LHX4: variants seen among roughly 807,000 people sequenced by gnomAD.
LHX4 encodes LIM/homeobox protein Lhx4.
LHX4 carries 16 observed loss-of-function variants against 39.2 expected under a neutral mutation model. That is an observed-to-expected ratio of 0.41 (90% CI 0.28 to 0.62). The LOEUF (loss-of-function observed/expected upper bound fraction) is 0.62, where lower values mean the gene tolerates loss of function less well. Ranked by LOEUF, LHX4 falls within the 20% of genes least tolerant of loss-of-function variation. The pLI, the probability that LHX4 is intolerant of heterozygous loss-of-function variation, is 0.33. For missense variants in LHX4, 439 were observed against 511.9 expected, an observed-to-expected ratio of 0.86 and a Z score of 1.37; for synonymous variants, 206 against 198.1, an observed-to-expected ratio of 1.04 and a Z score of -0.33.
intron 1 of LHX4, among the ~76,000 whole-genome samples, chr1:180,243,762 C>T (rs1363717096): frequency 1.3e-5 from 2 of 152,132 alleles, no homozygotes; most frequent in Admixed American, 6.5e-5. Context: ...TGTGTCATCT[C>T]AGTTTTTGCC....
chr1:180,270,876 G>GAT, intron 3 of LHX4: 12 of 200,184 alleles, frequency 6.0e-5, no homozygotes, highest in Admixed American at 1.7e-4. Context: ...GGGTGTGCAA[G>GAT]CTCACCCCTG....
upstream of LHX4, among the ~76,000 whole-genome samples, chr1:180,229,965 G>GGGGGGGGCGGGGGGGGC (rs1558204928): frequency 1.6e-4 from 2 of 12,166 alleles, no homozygotes; most frequent in Non-Finnish European, 2.6e-4. Context: ...GAGGCGGGGA[G>GGGGGGGGCGGGGGGGGC]GGGGGGGGGG....
At chr1:180,244,093 T>C (rs988125845) in intron 1 of LHX4, among the ~76,000 whole-genome samples, 7 of 152,176 alleles carry the variant, frequency 4.6e-5, no homozygotes, top group African/African-American at 1.7e-4. Context: ...TCCTTCCTCG[T>C]TGAGAGTGGC....
intron 2 of LHX4, among the ~76,000 whole-genome samples, chr1:180,256,735 C>A (rs560449207): frequency 1.3e-5 from 2 of 152,158 alleles, no homozygotes; most frequent in Admixed American, 1.3e-4. Context: ...GGTGGCTTTT[C>A]TCTCAGTAAG....
At chr1:180,246,481 G>A (rs1647386259) in intron 1 of LHX4, among the ~76,000 whole-genome samples, 1 of 152,232 alleles carries the variant, frequency 6.6e-6, no homozygotes, top group Non-Finnish European at 1.5e-5. Flanking sequence ...GGAGGCCGAG[G>A]CAGGCGGATC....
intron 2 of LHX4, among the ~76,000 whole-genome samples, chr1:180,250,538 C>A (rs138327041): frequency 6.6e-6 from 1 of 152,298 alleles, no homozygotes; most frequent in Non-Finnish European, 1.5e-5. Context: ...TCCGCTTGCC[C>A]GTCTCGGGGC....
chr1:180,248,153 T>G, intron 1 of LHX4, 132 bp from the exon 2 acceptor site: 2 of 812,620 alleles, frequency 2.5e-6, no homozygotes, highest in South Asian at 2.9e-5. Context: ...TACAACTATA[T>G]GCAACAGCTC....
Position 180,274,962 on chromosome 1 carries a change from G to A in LHX4, c.*383G>A, listed in dbSNP as rs557624416. 5.4e-6 allele frequency: 1 copy of A among 184,780 alleles called. No homozygotes were observed. The highest frequency in any genetic ancestry group is 2.3e-5 in the African/African-American group (1 of 42,854). The allele number at this position is 184,780 out of a possible 1,614,324, so 11.4% of individuals were successfully genotyped here. The stretch of plus-strand genomic sequence containing the variant: ...CTCCAACTGGTGTGTCTCACACAAT[G>A]CCTCCCAAAACACTGCTCTCACCAG... On this transcript the variant is annotated 3_prime_UTR_variant, in exon 6 of 6. Transcript: ENST00000263726.
At chr1:180,258,398 A>C (rs972435073) in intron 2 of LHX4, among the ~76,000 whole-genome samples, 1 of 152,182 alleles carries the variant, frequency 6.6e-6, no homozygotes, top group Admixed American at 6.5e-5. Flanking sequence ...GGGATGCCAT[A>C]GTGCCTTGGT....
intron 4 of LHX4, 105 bp downstream of exon 4, chr1:180,271,639 G>T: frequency 6.8e-7 from 1 of 1,469,240 alleles, no homozygotes; most frequent in Non-Finnish European, 9.5e-7. Flanking sequence ...CTCAGGGCTT[G>T]ACCCCAGGGC....
chr1:180,248,320 C>G lies in LHX4; in HGVS notation c.112C>G (p.Leu38Val). 6.2e-7 allele frequency: 1 copy of G among 1,614,212 alleles called. No homozygotes were observed. Among genetic ancestry groups the G allele is most frequent in the Non-Finnish European group, 8.5e-7 (1 of 1,180,044 alleles). ...PQCAGCNQHI[L>V]DKFILKVLDR... ...GTGCGCTGGCTGCAACCAGCACATC[C>G]TGGACAAGTTCATCCTGAAGGTCCT... The change falls in exon 2 of 6, where the codon CTG becomes GTG. Residue 38 changes from leucine (L) to valine (V), a missense_variant. Transcript: ENST00000263726.
chr1:180,240,320 C>T (rs1006235188), intron 1 of LHX4, among the ~76,000 whole-genome samples: 1 of 152,134 alleles, frequency 6.6e-6, no homozygotes, highest in East Asian at 1.9e-4. Flanking sequence ...AGGTGTGAGC[C>T]ACCGTGCCCG....
intron 1 of LHX4, among the ~76,000 whole-genome samples, chr1:180,236,240 AT>A (rs954811621): frequency 6.6e-6 from 1 of 152,084 alleles, no homozygotes; most frequent in Non-Finnish European, 1.5e-5. Flanking sequence ...CAGCAAAGCA[AT>A]TTCTTTCCAT....
chr1:180,269,400 C>T (rs1199068725), intron 3 of LHX4, among the ~76,000 whole-genome samples: 1 of 152,132 alleles, frequency 6.6e-6, no homozygotes, highest in Admixed American at 6.5e-5. Context: ...TTAATGAATA[C>T]TTGGATGACA....
intron 1 of LHX4, among the ~76,000 whole-genome samples, chr1:180,233,635 C>T (rs972100277): frequency 2.6e-5 from 4 of 152,208 alleles, no homozygotes; most frequent in African/African-American, 9.6e-5. Flanking sequence ...GAAGGTGGGG[C>T]GTTTTATCCG....
chr1:180,254,243 G>A (rs1290770382), intron 2 of LHX4, among the ~76,000 whole-genome samples: 3 of 152,194 alleles, frequency 2.0e-5, no homozygotes, highest in African/African-American at 2.4e-5. Flanking sequence ...GGGTCTCCCT[G>A]CCCCTGAGGC....
intron 1 of LHX4, among the ~76,000 whole-genome samples, chr1:180,231,956 C>T (rs1374346349): frequency 1.3e-5 from 2 of 152,174 alleles, no homozygotes; most frequent in Non-Finnish European, 2.9e-5. Flanking sequence ...CTGTATTCTA[C>T]AGTTATTCTT....
intron 3 of LHX4, among the ~76,000 whole-genome samples, chr1:180,267,277 G>C (rs1473042845): frequency 1.3e-5 from 2 of 152,228 alleles, no homozygotes; most frequent in South Asian, 4.1e-4. Flanking sequence ...CCACTGCAGG[G>C]CCACTGCCCA....
rs754330659 is a variant in LHX4 at position 180,266,345 on chromosome 1, A to G, written c.249-47A>G. 2 of 1,595,540 alleles carry G rather than the reference A, an allele frequency of 1.3e-6. No homozygotes were observed. Among genetic ancestry groups the G allele is most frequent in the Non-Finnish European group, 1.7e-6 (2 of 1,164,292 alleles). The stretch of plus-strand genomic sequence containing the variant: ...GCTCCAGGAAGTTGGGGGAAGCCAG[A>G]TCCCTTGCTCCCTGTGTGCCCTAAT... On this transcript the variant is annotated intron_variant, in intron 2 of 5. Transcript: ENST00000263726. This position sits in a 1 kb window ranked among gnomAD's most constrained non-coding sequence, Gnocchi z 5.7.
Sources: gnomAD v4.1 joint callset for allele counts (sites outside exome capture counted in the v4.1 genomes callset) on GRCh38, gnomAD v4.1.1 for gene constraint, Gnocchi (gnomAD v3.1) non-coding constraint, MANE v1.5 for transcripts, NCBI Gene and HGNC (gene_info 2026-07-23, HGNC 2026-07-21) for gene names.